Variants in ATRIP observed in about 807,000 individuals in gnomAD.
The protein encoded by ATRIP is ATR-interacting protein.
In ATRIP, 44 loss-of-function variants were observed where a neutral mutation model predicts 78.1. The observed-to-expected ratio is 0.56, with a 90% CI of 0.44 to 0.72. The LOEUF (loss-of-function observed/expected upper bound fraction) is 0.72, where lower values mean the gene tolerates loss of function less well. Among genes scored for constraint, ATRIP ranks in the 30% least tolerant of loss-of-function variants. The pLI is 0.00. For synonymous variants in ATRIP, 388 were observed against 408.9 expected (o/e 0.95, Z 0.62); for missense variants, 927 against 980.2 (o/e 0.95, Z 0.72).
chr3:48,454,333 G>T lies in ATRIP; in HGVS notation c.586G>T (p.Asp196Tyr), dbSNP rs1237360679. Residue 196 changes from aspartate (D) to tyrosine (Y), a missense_variant, in exon 4 of 13, where the codon GAT becomes TAT. By Grantham distance (160) the Asp-to-Tyr change is radical. Transcript: ENST00000320211. ...QSLQSELQFK[D>Y]AEMNELRTKL... ...ATTGCAGTCTGAACTCCAGTTTAAA[G>T]ATGCAGAGATGAATGAATTAAGGAC... 2 of 1,613,496 alleles carry T rather than the reference G, an allele frequency of 1.2e-6. No homozygotes were observed. Among genetic ancestry groups the T allele is most frequent in the African/African-American group, 2.7e-5 (2 of 75,024 alleles).
At chr3:48,455,954 C>G (rs2039945574) in intron 4 of ATRIP, among the ~76,000 whole-genome samples, 2 of 151,970 alleles carry the variant, frequency 1.3e-5, no homozygotes, top group South Asian at 4.2e-4. Context: ...AACCCTGTCT[C>G]TACTGAAAAT....
chr3:48,460,826 T>G (rs1436060592), intron 8 of ATRIP, 27 bp downstream of exon 8: 1 of 1,558,408 alleles, frequency 6.4e-7, no homozygotes, highest in Non-Finnish European at 8.7e-7. Context: ...GAGTCATGAT[T>G]CTTTGTGGGT....
intron 4 of ATRIP, among the ~76,000 whole-genome samples, chr3:48,456,945 G>A (rs923565181): frequency 4.6e-5 from 7 of 152,338 alleles, no homozygotes; most frequent in Admixed American, 3.9e-4. Flanking sequence ...GATCATGCCT[G>A]TAATCCCAGC....
chr3:48,452,641 G>A (rs552544619), intron 3 of ATRIP, among the ~76,000 whole-genome samples: 6 of 152,164 alleles, frequency 3.9e-5, no homozygotes, highest in African/African-American at 1.2e-4. Context: ...GCTGCAGTAA[G>A]CCATGATCAT....
At chr3:48,449,460 A>G (rs897949724) in intron 1 of ATRIP, among the ~76,000 whole-genome samples, 1 of 148,460 alleles carries the variant, frequency 6.7e-6, no homozygotes, top group South Asian at 2.1e-4. Context: ...AGTTTGAACC[A>G]TGTTCTTAGG....
Position 48,466,534 on chromosome 3 carries a change from G to A in ATRIP, c.*980G>A, listed in dbSNP as rs200440528. Reference sequence around the variant, plus strand: ...AGACAGGGCAGGATTGTGCAGGGAAGGCCTGAGATGTGCTTCTGCCCACCC... The same window carrying A: ...AGACAGGGCAGGATTGTGCAGGGAAAGCCTGAGATGTGCTTCTGCCCACCC... On this transcript the variant is annotated 3_prime_UTR_variant, in exon 13 of 13. Transcript: ENST00000320211. The A allele has an allele frequency of 2.4e-4, 391 of 1,613,834 alleles. No individual in the cohort carries two copies. The highest frequency in any genetic ancestry group is 3.2e-4 in the Non-Finnish European group (374 of 1,180,000).
chr3:48,455,188 G>T (rs1261732716), intron 4 of ATRIP, among the ~76,000 whole-genome samples: 1 of 152,120 alleles, frequency 6.6e-6, no homozygotes, highest in Non-Finnish European at 1.5e-5. Flanking sequence ...AACAGTGTCA[G>T]TCAGGGCATC....
intron 2 of ATRIP, among the ~76,000 whole-genome samples, chr3:48,451,138 G>A (rs1417945235): frequency 1.3e-5 from 2 of 151,662 alleles, no homozygotes; most frequent in Non-Finnish European, 2.9e-5. Flanking sequence ...GCAGTGAGCC[G>A]AGATCGTGCC....
In ATRIP at chr3:48,467,265, C is replaced by G; in HGVS notation, c.*1711C>G. On this transcript the variant is annotated 3_prime_UTR_variant, in exon 13 of 13. Coordinates refer to ENST00000320211, the MANE Select transcript of ATRIP (RefSeq NM_130384.3). ...CACGGCTGAGGGTGATGTCCTGGCC[C>G]TGCTCAGCATCTGTCAGTGGAGACC... 1.2e-6 allele frequency: 2 copies of G among 1,614,162 alleles called. No individual in the cohort carries two copies. The highest frequency in any genetic ancestry group is 3.3e-4 in the Middle Eastern group (2 of 6,062).
At position 48,464,640 on chromosome 3, in the gene ATRIP, C is replaced by T; in HGVS notation, c.2033C>T (p.Ser678Phe). The change falls in exon 11 of 13, where the codon TCC becomes TTC. Residue 678 changes from serine to phenylalanine, a missense_variant. Transcript: ENST00000320211. ...VQSPLPPVTG[S>F]NCQCNVEVVR... ...AGCCCCTTGCCCCCAGTCACTGGCT[C>T]CAACTGCCAGTGTAATGTGGAGGTG... The T allele has an allele frequency of 6.2e-7, 1 of 1,614,158 alleles. No homozygotes were observed. Among genetic ancestry groups the T allele is most frequent in the Non-Finnish European group, 8.5e-7 (1 of 1,180,016 alleles).
At chr3:48,451,622 G>C (rs1357224186) in intron 2 of ATRIP, 107 bp from the exon 3 acceptor site, 2 of 927,370 alleles carry the variant, frequency 2.2e-6, no homozygotes, top group Non-Finnish European at 3.3e-6. Flanking sequence ...GTACTCATTT[G>C]TCTGTTTTTC....
intron 4 of ATRIP, among the ~76,000 whole-genome samples, chr3:48,456,895 T>C (rs6442122): frequency 0.024 from 3,672 of 152,258 alleles, 166 homozygotes; most frequent in African/African-American, 0.084. Flanking sequence ...GAATTTTCAA[T>C]AATTTGGATC....
rs772082890 is a variant in ATRIP, at chr3:48,450,022, A to G, written c.248-15A>G. ...ATATTGGGTCCTGAAATGTATATGG[A>G]ACTATTTTTTACAGGTGATCATAAG... is the stretch of plus-strand genomic sequence containing the variant. On this transcript the variant is annotated splice_polypyrimidine_tract_variant and intron_variant, in intron 1 of 12. Transcript: ENST00000320211. 32 of 1,601,936 alleles carry G rather than the reference A, an allele frequency of 2.0e-5. No individual in the cohort carries two copies. The East Asian group carries it at 7.2e-4, about 36-fold the overall frequency.
chr3:48,462,375 C>T (rs988691127), intron 8 of ATRIP, among the ~76,000 whole-genome samples: 2 of 152,118 alleles, frequency 1.3e-5, no homozygotes, highest in Non-Finnish European at 2.9e-5. Context: ...TTATCTATTT[C>T]ATGTACTGGG....
rs1358195887 is a variant in ATRIP, at chr3:48,457,358, GTCCCTTCCCCAC to G, written c.772_783del (p.Ser258_His261del). 1 of 1,604,484 alleles carries G rather than the reference GTCCCTTCCCCAC, an allele frequency of 6.2e-7. No homozygotes were observed. The highest frequency in any genetic ancestry group is 1.3e-5 in the African/African-American group (1 of 74,380). ...CAAAGGAGTCTTTTAGTGCTAACAT[GTCCCTTCCCCAC>G]CCCTGCCAGACGGAGTCAGGATACA... On this transcript the variant is annotated inframe_deletion, in exon 5 of 13. Coordinates refer to ENST00000320211, the MANE Select transcript of ATRIP (RefSeq NM_130384.3).
chr3:48,464,508 T>G lies in ATRIP; in HGVS notation c.1975-74T>G, dbSNP rs182075297. ...AGTTGCTGAAGCAAGTGAACTCTTA[T>G]AGAAGCTTAAGAAAACCCTCGCAGG... On this transcript the variant is annotated intron_variant, in intron 10 of 12. Transcript: ENST00000320211. 4.0e-6 allele frequency: 6 copies of G among 1,483,578 alleles called. No individual in the cohort carries two copies. In the African/African-American group the frequency reaches 8.3e-5, roughly 21 times the overall value. The allele number at this position is 1,483,578 out of a possible 1,614,324, so 91.9% of individuals were successfully genotyped here. A position where few individuals can be genotyped will look rare whatever the true frequency, so the allele number is the denominator to read the frequency against.
intron 1 of ATRIP, among the ~76,000 whole-genome samples, chr3:48,449,117 T>C (rs553698133): frequency 1.3e-5 from 2 of 152,236 alleles, no homozygotes; most frequent in African/African-American, 2.4e-5. Flanking sequence ...TTTAGAAGGA[T>C]CATTTATGAG....
intron 8 of ATRIP, 119 bp from the exon 9 acceptor site, chr3:48,463,626 A>G (rs1006082510): frequency 2.9e-6 from 4 of 1,394,728 alleles, no homozygotes; most frequent in Admixed American, 2.3e-5. Context: ...GTCTGGCTGA[A>G]CCAACTCACC....
chr3:48,462,641 T>G (rs2040150057), intron 8 of ATRIP, among the ~76,000 whole-genome samples: 1 of 146,872 alleles, frequency 6.8e-6, no homozygotes, highest in African/African-American at 2.5e-5. Flanking sequence ...AGGCGGAGGT[T>G]GCAGTGAGCT....
Sources: allele counts gnomAD v4.1 joint callset (sites outside exome capture counted in the v4.1 genomes callset), GRCh38; gene constraint gnomAD v4.1.1; transcripts MANE v1.5; gene names NCBI Gene and HGNC (gene_info 2026-07-23, HGNC 2026-07-21).